Variants in RAD51B observed in about 807,000 individuals in gnomAD.
The protein encoded by RAD51B is RAD51 paralog B.
A neutral mutation model predicts 42.2 loss-of-function variants in RAD51B; 38 were observed. The observed-to-expected ratio is 0.90, with a 90% CI of 0.70 to 1.18. The LOEUF is 1.18. Among genes scored for constraint, RAD51B ranks in the 50% most tolerant of loss-of-function variants. The pLI is 0.00. For missense variants in RAD51B, 373 were observed against 400.7 expected (o/e 0.93, Z 0.59); for synonymous variants, 154 against 145.2 (o/e 1.06, Z -0.43).
intron 8 of RAD51B, among the ~76,000 whole-genome samples, chr14:68,374,825 C>T (rs1405482068): frequency 2.0e-5 from 3 of 150,380 alleles, no homozygotes; most frequent in South Asian, 2.1e-4. Context: ...TAGCTGAAAC[C>T]GTAAAGAGCT....
intron 7 of RAD51B, among the ~76,000 whole-genome samples, chr14:68,045,236 C>CAAAAAAAAAAAAAAAAAAA (rs537073885): frequency 4.5e-5 from 1 of 22,082 alleles, no homozygotes; most frequent in Non-Finnish European, 8.3e-5. Context: ...AACTCTGTCT[C>CAAAAAAAAAAAAAAAAAAA]AAAAAAAAAA....
intron 7 of RAD51B, among the ~76,000 whole-genome samples, chr14:67,989,906 T>G (rs1020754803): frequency 3.9e-5 from 6 of 152,214 alleles, no homozygotes; most frequent in Middle Eastern, 3.4e-3. Flanking sequence ...CTTAAGAGTT[T>G]GAACCTGATC....
At chr14:67,981,045 A>C (rs2075082875) in intron 7 of RAD51B, among the ~76,000 whole-genome samples, 1 of 152,134 alleles carries the variant, frequency 6.6e-6, no homozygotes, top group African/African-American at 2.4e-5. Flanking sequence ...AAACAACCCA[A>C]CAACAACAAA....
At chr14:68,297,223 G>T (rs760609593) in intron 8 of RAD51B, among the ~76,000 whole-genome samples, 1 of 152,118 alleles carries the variant, frequency 6.6e-6, no homozygotes, top group Admixed American at 6.6e-5. Flanking sequence ...TTCAAAGCGC[G>T]GTATGAATTT....
chr14:68,200,504 TA>T lies in RAD51B; in HGVS notation c.757-91378del, dbSNP rs1367390249. Among the ~76,000 whole-genome samples the T allele has an allele frequency of 1.4e-4, 21 of 152,374 alleles. No individual in the cohort carries two copies. In the East Asian group the frequency reaches 3.9e-3, roughly 28 times the overall value. ...ACAGAGCAAAAAATGCTGAGGAATA[TA>T]ATTTTGCAAATGTGTTCTCTTCTAA... is the stretch of plus-strand genomic sequence containing the variant. On this transcript the variant is annotated intron_variant, in intron 7 of 10. Coordinates refer to ENST00000471583, the MANE Select transcript of RAD51B (RefSeq NM_133510.4).
intron 7 of RAD51B, among the ~76,000 whole-genome samples, chr14:68,080,745 C>T (rs77026437): frequency 0.025 from 3,850 of 152,152 alleles, 165 homozygotes; most frequent in African/African-American, 0.087. Context: ...GATGTTTTAC[C>T]GTGATCCTCA....
At chr14:68,163,400 A>G (rs1191343542) in intron 7 of RAD51B, among the ~76,000 whole-genome samples, 2 of 152,172 alleles carry the variant, frequency 1.3e-5, no homozygotes, top group East Asian at 1.9e-4. Context: ...TCTGATTTCA[A>G]CTGAATAATT....
intron 10 of RAD51B, among the ~76,000 whole-genome samples, chr14:68,619,249 T>G (rs1426940277): frequency 6.6e-6 from 1 of 152,176 alleles, no homozygotes; most frequent in South Asian, 2.1e-4. Flanking sequence ...CTGAGGTGGG[T>G]GGATCACGAG....
chr14:67,935,910 C>G (rs879086101), intron 7 of RAD51B, among the ~76,000 whole-genome samples: 1 of 151,988 alleles, frequency 6.6e-6, no homozygotes, highest in African/African-American at 2.4e-5. Context: ...TTCTATTATA[C>G]CAGAGGATAA....
intron 7 of RAD51B, among the ~76,000 whole-genome samples, chr14:68,153,247 C>T (rs1375525176): frequency 6.6e-6 from 1 of 151,926 alleles, no homozygotes; most frequent in Non-Finnish European, 1.5e-5. Context: ...ATCCCACACT[C>T]GATTTTGTTT....
At chr14:68,295,790 A>G (rs965955587) in intron 8 of RAD51B, among the ~76,000 whole-genome samples, 1 of 151,794 alleles carries the variant, frequency 6.6e-6, no homozygotes, top group African/African-American at 2.4e-5. Flanking sequence ...GCTTGTTCTC[A>G]CCTCACAACT....
chr14:67,996,735 A>T (rs2075391977), intron 7 of RAD51B, among the ~76,000 whole-genome samples: 1 of 152,262 alleles, frequency 6.6e-6, no homozygotes. Context: ...CAGAGAAGAG[A>T]CACCTAATTT....
Position 68,304,162 on chromosome 14 carries a change from T to A in RAD51B, c.853+12182T>A, listed in dbSNP as rs559377789. On this transcript the variant is annotated intron_variant, in intron 8 of 10. Transcript: ENST00000471583. ...TCCAGCCTGGGCGAGAGAGCAAGAC[T>A]CTGTCTCAAAAAAAAAAAAAGGCAC... 5.0e-5 allele frequency among the ~76,000 whole-genome samples: 6 copies of A among 120,250 alleles called. No individual in the cohort carries two copies. In the Admixed American group the frequency reaches 5.4e-4, roughly 11 times the overall value. The allele number at this position is 120,250 out of a possible 152,430, so 78.9% of individuals were successfully genotyped here.
intron 7 of RAD51B, among the ~76,000 whole-genome samples, chr14:68,184,196 T>G (rs2079110301): frequency 6.6e-6 from 1 of 151,858 alleles, no homozygotes; most frequent in African/African-American, 2.4e-5. Context: ...TGTGGGAGGA[T>G]CACTTGAACC....
intron 4 of RAD51B, among the ~76,000 whole-genome samples, chr14:67,853,401 T>C (rs188369348): frequency 8.5e-5 from 13 of 152,330 alleles, no homozygotes; most frequent in Non-Finnish European, 1.6e-4. Flanking sequence ...CTTCCACTTT[T>C]CATCTTGGTG....
chr14:68,263,277 C>G (rs1187005763), intron 7 of RAD51B, among the ~76,000 whole-genome samples: 4 of 152,182 alleles, frequency 2.6e-5, no homozygotes, highest in African/African-American at 7.2e-5. Flanking sequence ...ACATTTTACT[C>G]AAGACTCTGT....
At position 67,885,842 on chromosome 14, in the gene RAD51B, C is replaced by T. The variant is rs201218359; in HGVS notation, c.453-27C>T. On this transcript the variant is annotated intron_variant, in intron 5 of 10. Coordinates refer to ENST00000471583, the MANE Select transcript of RAD51B (RefSeq NM_133510.4). ...GGCTTTAAGTAGAATTGACTGTTTT[C>T]GTTTGTGCTATTTTTTTCACCCACA... is the stretch of plus-strand genomic sequence containing the variant. The T allele has an allele frequency of 2.6e-4, 409 of 1,570,684 alleles. 1 individual carries two copies. Among genetic ancestry groups the T allele is most frequent in the Non-Finnish European group, 3.4e-4 (395 of 1,154,552 alleles).
chr14:68,577,762 A>G (rs534175727), intron 10 of RAD51B, among the ~76,000 whole-genome samples: 18 of 152,264 alleles, frequency 1.2e-4, no homozygotes, highest in Admixed American at 9.8e-4. Flanking sequence ...ACACACACAC[A>G]GTTAAAGGCA....
At chr14:68,220,101 G>T (rs2079894726) in intron 7 of RAD51B, among the ~76,000 whole-genome samples, 1 of 152,082 alleles carries the variant, frequency 6.6e-6, no homozygotes, top group Admixed American at 6.5e-5. Context: ...TCAAAGACAA[G>T]GTTTTCAAAT....
Sources: allele counts gnomAD v4.1 joint callset (sites outside exome capture counted in the v4.1 genomes callset), GRCh38; gene constraint gnomAD v4.1.1; transcripts MANE v1.5; gene names NCBI Gene and HGNC (gene_info 2026-07-23, HGNC 2026-07-21).